LEMD3: variants seen among roughly 807,000 people sequenced by gnomAD.
The protein encoded by LEMD3 is inner nuclear membrane protein Man1.
A neutral mutation model predicts 95.2 loss-of-function variants in LEMD3; 33 were observed. That is an observed-to-expected ratio of 0.35 (90% CI 0.26 to 0.46). LEMD3 has a LOEUF of 0.46. Ranked by LOEUF, LEMD3 falls within the 20% of genes least tolerant of loss-of-function variation. LEMD3 has a pLI of 1.00. For missense variants in LEMD3, 1,210 were observed against 1,192.8 expected, an observed-to-expected ratio of 1.01 and a Z score of -0.21; for synonymous variants, 525 against 474.6, an observed-to-expected ratio of 1.11 and a Z score of -1.38.
At chr12:65,246,109 G>A (rs1388424497) in intron 12 of LEMD3, 53 bp from the exon 13 acceptor site, 2 of 1,428,978 alleles carry the variant, frequency 1.4e-6, no homozygotes, top group Non-Finnish European at 2.0e-6. Flanking sequence ...TTAATTTTCT[G>A]CAAATATTAA....
chr12:65,169,813 G>A lies in LEMD3; in HGVS notation c.217G>A (p.Ala73Thr). The A allele has an allele frequency of 6.7e-7, 1 of 1,499,812 alleles. No individual in the cohort carries two copies. Among genetic ancestry groups the A allele is most frequent in the Non-Finnish European group, 8.9e-7 (1 of 1,122,036 alleles). The allele number at this position is 1,499,812 out of a possible 1,614,324, so 92.9% of individuals were successfully genotyped here. The change falls in exon 1 of 13, where the codon GCC (alanine) becomes ACC (threonine). Residue 73 changes from alanine to threonine, a missense_variant. Coordinates refer to ENST00000308330, the MANE Select transcript of LEMD3 (RefSeq NM_014319.5). ...TRNSNNNNTA[A>T]ATVAAAGPAA... The stretch of plus-strand genomic sequence containing the variant: ...GAACAGTAATAACAATAACACGGCA[G>A]CCGCCACGGTCGCAGCCGCGGGACC...
At chr12:65,194,888 A>AATTATAATTTAGATTATAATTTATAG (rs1407188410) in intron 1 of LEMD3, among the ~76,000 whole-genome samples, 1 of 69,818 alleles carries the variant, frequency 1.4e-5, no homozygotes, top group South Asian at 5.1e-4. Flanking sequence ...ATAATTTATA[A>AATTATAATTTAGATTATAATTTATAG]AATTAAAATA....
chr12:65,203,286 A>G (rs1869661062), intron 1 of LEMD3, among the ~76,000 whole-genome samples: 1 of 152,134 alleles, frequency 6.6e-6, no homozygotes, highest in Admixed American at 6.6e-5. Context: ...ATAATGGAAC[A>G]CTAGACATTA....
At chr12:65,214,245 T>G (rs1870033777) in intron 2 of LEMD3, among the ~76,000 whole-genome samples, 1 of 152,098 alleles carries the variant, frequency 6.6e-6, no homozygotes, top group African/African-American at 2.4e-5. Context: ...TCCACCCTCC[T>G]CGGCCTCCCA....
chr12:65,237,973 A>G (rs1273663012), intron 4 of LEMD3, among the ~76,000 whole-genome samples: 1 of 152,206 alleles, frequency 6.6e-6, no homozygotes, highest in Non-Finnish European at 1.5e-5. Flanking sequence ...CTAATGATAA[A>G]AAAAGAACTT....
At chr12:65,200,975 G>T (rs1320839423) in intron 1 of LEMD3, among the ~76,000 whole-genome samples, 1 of 152,134 alleles carries the variant, frequency 6.6e-6, no homozygotes. Flanking sequence ...TAAGTTTTGG[G>T]ACGGGTATAA....
chr12:65,208,160 AAGCTTGGTATATTTG>A (rs1458235306), intron 1 of LEMD3, among the ~76,000 whole-genome samples: 2 of 152,112 alleles, frequency 1.3e-5, no homozygotes, highest in Non-Finnish European at 2.9e-5. Flanking sequence ...TTACAAAGAA[AAGCTTGGTATATTTG>A]AGGCTTGAAA....
At chr12:65,206,167 A>G (rs1673237050) in intron 1 of LEMD3, among the ~76,000 whole-genome samples, 1 of 152,166 alleles carries the variant, frequency 6.6e-6, no homozygotes, top group South Asian at 2.1e-4. Flanking sequence ...TTCACATAAA[A>G]TTATGCTGTG....
At chr12:65,201,219 A>G (rs976114355) in intron 1 of LEMD3, among the ~76,000 whole-genome samples, 2 of 152,156 alleles carry the variant, frequency 1.3e-5, no homozygotes, top group African/African-American at 4.8e-5. Context: ...TAAGTCTTGA[A>G]GTCAGACACT....
In LEMD3 at chr12:65,248,155, A is replaced by G. The variant is rs1351302739; in HGVS notation, c.*1830A>G. The G allele has an allele frequency of 6.6e-6, 1 of 152,476 alleles. No homozygotes were observed. Among genetic ancestry groups the G allele is most frequent in the Non-Finnish European group, 1.5e-5 (1 of 67,984 alleles). 9.4% of individuals were successfully genotyped at this position (152,476 alleles called of 1,614,324 possible). ...TACATTTATTATTGTAATATATACT[A>G]TTATGCAGCTTATTTTACCTGAAAC... On this transcript the variant is annotated 3_prime_UTR_variant, in exon 13 of 13. Transcript: ENST00000308330.
At chr12:65,178,325 T>C (rs192595683) in intron 1 of LEMD3, among the ~76,000 whole-genome samples, 2 of 152,340 alleles carry the variant, frequency 1.3e-5, no homozygotes, top group Admixed American at 1.3e-4. Context: ...GAAAATGTTT[T>C]TCATTTGAAA....
At position 65,170,937 on chromosome 12, in the gene LEMD3, C is replaced by T. The variant is rs766097829; in HGVS notation, c.1341C>T (p.Ser447=). The T allele has an allele frequency of 3.7e-6, 6 of 1,614,196 alleles. No individual in the cohort carries two copies. The highest frequency in any genetic ancestry group is 2.2e-5 in the South Asian group (2 of 91,084). The change falls in exon 1 of 13, where the codon TCC becomes TCT. Residue 447 remains serine, a synonymous_variant. Transcript: ENST00000308330. ...LKNTYNKPKL[S]EPEEELLQQF... ...ACACATACAACAAACCGAAGCTTTC[C>T]GAACCCGAAGAGGAACTTCTCCAGC...
chr12:65,213,567 A>G (rs780603403), intron 2 of LEMD3, among the ~76,000 whole-genome samples: 7 of 152,192 alleles, frequency 4.6e-5, no homozygotes, highest in Non-Finnish European at 7.3e-5. Context: ...GTAAAAAACT[A>G]TAGTTGAGCT....
At chr12:65,173,079 C>T (rs1868607401) in intron 1 of LEMD3, among the ~76,000 whole-genome samples, 1 of 152,144 alleles carries the variant, frequency 6.6e-6, no homozygotes, top group Admixed American at 6.6e-5. Flanking sequence ...GAGTGTTGAA[C>T]AGTTAGTAGT....
At chr12:65,204,882 A>G (rs1267700169) in intron 1 of LEMD3, among the ~76,000 whole-genome samples, 1 of 152,170 alleles carries the variant, frequency 6.6e-6, no homozygotes, top group African/African-American at 2.4e-5. Context: ...ATAATGTGGA[A>G]TTAGTGCTTG....
Position 65,240,940 on chromosome 12 carries a change from G to A in LEMD3, c.2158G>A (p.Val720Ile). 1 of 1,614,052 alleles carries A rather than the reference G, an allele frequency of 6.2e-7. No individual in the cohort carries two copies. The highest frequency in any genetic ancestry group is 8.5e-7 in the Non-Finnish European group (1 of 1,179,934). Residue 720 changes from valine (V) to isoleucine (I), a missense_variant, in exon 9 of 13, where the codon GTT becomes ATT. Around this residue, in one of 2 missense-constraint regions of LEMD3, gnomAD observed 461 missense variants for 569.8 expected, o/e 0.81. Coordinates refer to ENST00000308330, the MANE Select transcript of LEMD3 (RefSeq NM_014319.5). The stretch of plus-strand genomic sequence containing the variant: ...AATGAAGAAAGTCTGGGATAGAGCT[G>A]TTGACTTCCTTGCTGCTAATGAGTC... ...KKMKKVWDRA[V>I]DFLAANESRV... is the part of the protein sequence containing the mutation.
intron 4 of LEMD3, among the ~76,000 whole-genome samples, chr12:65,235,701 T>G (rs531321888): frequency 1.1e-4 from 16 of 152,298 alleles, no homozygotes; most frequent in Non-Finnish European, 1.6e-4. Context: ...CTGTGGATTT[T>G]GGTATCCATG....
At chr12:65,211,095 A>G in intron 2 of LEMD3, 132 bp downstream of exon 2, 1 of 688,056 alleles carries the variant, frequency 1.5e-6, no homozygotes, top group Non-Finnish European at 2.5e-6. Context: ...TATCAACTTA[A>G]AAAAATAGTA....
intron 1 of LEMD3, among the ~76,000 whole-genome samples, chr12:65,197,407 C>T (rs1439203931): frequency 2.0e-5 from 3 of 152,112 alleles, no homozygotes; most frequent in African/African-American, 7.2e-5. Flanking sequence ...AAGTGAGAAT[C>T]TGATATGACT....
Sources: allele counts gnomAD v4.1 joint callset (sites outside exome capture counted in the v4.1 genomes callset), GRCh38; gene constraint gnomAD v4.1.1; regional missense constraint gnomAD v4.1.1; transcripts MANE v1.5; gene names NCBI Gene and HGNC (gene_info 2026-07-23, HGNC 2026-07-21).